SHB: variants seen among roughly 807,000 people sequenced by gnomAD.
The protein encoded by SHB is SH2 domain-containing adapter protein B.
SHB carries 20 observed loss-of-function variants against 52.3 expected under a neutral mutation model. The ratio of observed to expected loss-of-function variants is 0.38; its 90% confidence interval spans 0.27 to 0.56. The LOEUF is 0.56. Ranked by LOEUF, SHB falls within the 20% of genes least tolerant of loss-of-function variation. The pLI is 0.71. For missense variants in SHB, 825 were observed against 723.3 expected, an observed-to-expected ratio of 1.14 and a Z score of -1.61; for synonymous variants, 397 against 316.5, an observed-to-expected ratio of 1.25 and a Z score of -2.70.
intron 2 of SHB, 89 bp from the exon 3 acceptor site, chr9:37,974,926 C>G: frequency 5.3e-6 from 6 of 1,131,042 alleles, no homozygotes; most frequent in South Asian, 2.6e-5. Context: ...AAACTCAGAG[C>G]TGCCAGCGGG....
intron 2 of SHB, chr9:38,015,229 GC>G (rs1821195064): frequency 8.5e-6 from 5 of 585,936 alleles, no homozygotes; most frequent in Non-Finnish European, 3.0e-6. Context: ...ACCAGGAGAA[GC>G]CACAACAGGG....
rs764491216 is a variant in SHB at position 38,068,330 on chromosome 9, G to T, written c.316C>A (p.Leu106Met). The change falls in exon 1 of 6, where the codon CTG (leucine) becomes ATG (methionine). Residue 106 changes from leucine (L) to methionine (M), a missense_variant. By Grantham distance (15) the Leu-to-Met change is conservative. Transcript: ENST00000377707. Reference protein sequence around the residue: ...YNGPGSSLRKLRAMCRLDYCG... With the variant: ...YNGPGSSLRKMRAMCRLDYCG... ...TAGTCCAGGCGGCACATGGCGCGCAGTTTGCGCAGCGACGAGCCAGGCCCG... is the reference window on the plus strand; with the variant it reads ...TAGTCCAGGCGGCACATGGCGCGCATTTTGCGCAGCGACGAGCCAGGCCCG... The T allele has an allele frequency of 1.3e-6, 2 of 1,540,840 alleles. No individual in the cohort carries two copies. The highest frequency in any genetic ancestry group is 2.7e-5 in the East Asian group (1 of 36,986).
At chr9:37,940,690 T>C (rs1196003205) in intron 5 of SHB, among the ~76,000 whole-genome samples, 1 of 152,214 alleles carries the variant, frequency 6.6e-6, no homozygotes, top group Non-Finnish European at 1.5e-5. Context: ...CTTCTTCCTC[T>C]TTCTGGGCCT....
intron 4 of SHB, among the ~76,000 whole-genome samples, chr9:37,953,634 C>T (rs1436537023): frequency 6.6e-6 from 1 of 152,100 alleles, no homozygotes; most frequent in Non-Finnish European, 1.5e-5. Flanking sequence ...CATCCATGGC[C>T]ACCCCGTGTG....
chr9:37,971,042 G>A (rs1820585465), intron 3 of SHB, among the ~76,000 whole-genome samples: 1 of 152,116 alleles, frequency 6.6e-6, no homozygotes, highest in Non-Finnish European at 1.5e-5. Context: ...TATGGATCCT[G>A]CACCTCAGGC....
chr9:38,011,506 G>A (rs902721104), intron 2 of SHB, among the ~76,000 whole-genome samples: 6 of 152,198 alleles, frequency 3.9e-5, no homozygotes, highest in African/African-American at 1.4e-4. Context: ...CTCAGGTGCT[G>A]TCTTTGTGGG....
rs1436346348 is a variant in SHB at position 38,069,080 on chromosome 9, C to T, written c.-435G>A. 1.3e-5 allele frequency: 2 copies of T among 151,894 alleles called. No individual in the cohort carries two copies. The highest frequency in any genetic ancestry group is 1.3e-4 in the Admixed American group (2 of 15,272). 9.4% of individuals were successfully genotyped at this position (151,894 alleles called of 1,614,324 possible). A position where few individuals can be genotyped will look rare whatever the true frequency, so the allele number is the denominator to read the frequency against. On this transcript the variant is annotated 5_prime_UTR_variant, in exon 1 of 6. Coordinates refer to ENST00000377707, the MANE Select transcript of SHB (RefSeq NM_003028.3). Reference sequence around the variant, plus strand: ...ACTTCTCGGCGTCCTCGGCTCCCTTCTTCCTTCCTGCGAGCGCTGGGGAGA... The same window carrying T: ...ACTTCTCGGCGTCCTCGGCTCCCTTTTTCCTTCCTGCGAGCGCTGGGGAGA...
chr9:38,031,863 A>G (rs1215007969), intron 1 of SHB, among the ~76,000 whole-genome samples: 1 of 152,224 alleles, frequency 6.6e-6, no homozygotes, highest in African/African-American at 2.4e-5. Context: ...TGAATCCCAG[A>G]CTTACCCATT....
chr9:38,006,621 C>T (rs894510611), intron 2 of SHB, among the ~76,000 whole-genome samples: 2 of 152,204 alleles, frequency 1.3e-5, no homozygotes, highest in South Asian at 2.1e-4. Flanking sequence ...GTAAAATGCA[C>T]GTTTCTCTCA....
chr9:37,946,914 T>G (rs1832498297), intron 5 of SHB, among the ~76,000 whole-genome samples: 1 of 151,848 alleles, frequency 6.6e-6, no homozygotes, highest in Non-Finnish European at 1.5e-5. Context: ...GACACTTGAG[T>G]CCTGTCGCTG....
At chr9:38,065,559 C>A (rs1209170877) in intron 1 of SHB, among the ~76,000 whole-genome samples, 1 of 152,208 alleles carries the variant, frequency 6.6e-6, no homozygotes, top group Admixed American at 6.5e-5. Context: ...TATAGGTGCA[C>A]TAAAGTTTGA....
At chr9:37,940,562 C>T (rs541308659) in intron 5 of SHB, among the ~76,000 whole-genome samples, 3 of 152,148 alleles carry the variant, frequency 2.0e-5, no homozygotes, top group Non-Finnish European at 2.9e-5. Flanking sequence ...ATCCTCCATG[C>T]GATAAGAGCA....
intron 1 of SHB, among the ~76,000 whole-genome samples, chr9:38,053,619 G>A (rs1320741282): frequency 6.6e-6 from 1 of 152,112 alleles, no homozygotes; most frequent in Non-Finnish European, 1.5e-5. Flanking sequence ...TCTTAGAACA[G>A]AGTGGTGATC....
chr9:38,000,082 C>G (rs1820993276), intron 2 of SHB, among the ~76,000 whole-genome samples: 1 of 152,222 alleles, frequency 6.6e-6, no homozygotes, highest in Non-Finnish European at 1.5e-5. Context: ...GCTGGGTCCT[C>G]AGGACTTGCA....
chr9:37,975,287 A>T (rs1820640984), intron 2 of SHB, among the ~76,000 whole-genome samples: 1 of 152,032 alleles, frequency 6.6e-6, no homozygotes, highest in Non-Finnish European at 1.5e-5. Context: ...TGCAGTTCCC[A>T]GTTCCCACCA....
intron 3 of SHB, among the ~76,000 whole-genome samples, chr9:37,960,000 G>T (rs887430451): frequency 8.5e-5 from 13 of 152,192 alleles, no homozygotes; most frequent in Admixed American, 8.5e-4. Context: ...AAAAAAAATC[G>T]GTTTCATACC....
Position 37,917,180 on chromosome 9 carries a change from A to G in SHB, c.*2641T>C. Reference sequence around the variant, plus strand: ...CAGGCTGACACAGGAAACGGTCACAATTAGAGGAAGAAGAGGGAGAGGTTC... The same window carrying G: ...CAGGCTGACACAGGAAACGGTCACAGTTAGAGGAAGAAGAGGGAGAGGTTC... On this transcript the variant is annotated 3_prime_UTR_variant, in exon 6 of 6. Coordinates refer to ENST00000377707, the MANE Select transcript of SHB (RefSeq NM_003028.3). 6.6e-6 allele frequency among the ~76,000 whole-genome samples: 1 copy of G among 152,218 alleles called. No homozygotes were observed. The highest frequency in any genetic ancestry group is 1.5e-5 in the Non-Finnish European group (1 of 68,030).
chr9:37,959,158 G>A (rs1222519759), intron 3 of SHB, among the ~76,000 whole-genome samples: 2 of 152,160 alleles, frequency 1.3e-5, no homozygotes, highest in Non-Finnish European at 1.5e-5. Flanking sequence ...CCTCAATGAC[G>A]GGAGGGATGT....
At chr9:37,942,262 A>G (rs1832443348) in intron 5 of SHB, among the ~76,000 whole-genome samples, 1 of 152,222 alleles carries the variant, frequency 6.6e-6, no homozygotes. Context: ...AATAGACGTC[A>G]TCAAGCAATC....
Sources: allele counts gnomAD v4.1 joint callset (sites outside exome capture counted in the v4.1 genomes callset), GRCh38; gene constraint gnomAD v4.1.1; transcripts MANE v1.5; gene names NCBI Gene and HGNC (gene_info 2026-07-23, HGNC 2026-07-21).